Variants in ACO1 observed in about 807,000 individuals in gnomAD.
The protein encoded by ACO1 is cytoplasmic aconitate hydratase.
ACO1 carries 78 observed loss-of-function variants against 105.1 expected under a neutral mutation model. The observed-to-expected ratio is 0.74, with a 90% CI of 0.62 to 0.90. The LOEUF (loss-of-function observed/expected upper bound fraction) is 0.90, where lower values mean the gene tolerates loss of function less well. Ranked by LOEUF, ACO1 falls within the 40% of genes least tolerant of loss-of-function variation. The pLI is 0.00. For missense variants in ACO1, 965 were observed against 1,111.1 expected (o/e 0.87, Z 1.87); for synonymous variants, 364 against 397.4 (o/e 0.92, Z 1.00).
At chr9:32,388,732 G>A (rs1253472693) in intron 1 of ACO1, among the ~76,000 whole-genome samples, 1 of 152,198 alleles carries the variant, frequency 6.6e-6, no homozygotes, top group African/African-American at 2.4e-5. Flanking sequence ...AGTGGAATGA[G>A]GTAGAAGGAA....
chr9:32,449,205 A>G, intron 20 of ACO1, 124 bp downstream of exon 20: 1 of 861,624 alleles, frequency 1.2e-6, no homozygotes, highest in South Asian at 1.8e-5. Context: ...GGACTGCATT[A>G]GACTTAGGAG....
chr9:32,451,512 G>A lies in ACO1; in HGVS notation c.*1401G>A, dbSNP rs984748565. 3.9e-5 allele frequency: 6 copies of A among 152,192 alleles called. No individual in the cohort carries two copies. Among genetic ancestry groups the A allele is most frequent in the Non-Finnish European group, 7.3e-5 (5 of 68,068 alleles). 9.4% of individuals were successfully genotyped at this position (152,192 alleles called of 1,614,324 possible). On this transcript the variant is annotated 3_prime_UTR_variant, in exon 21 of 21. Transcript: ENST00000309951. Reference sequence around the variant, plus strand: ...CCTAAGAACCTGGGGAGGGGCATGGGGAATGCTGGTATAAGTCCCAGAGTC... The same window carrying A: ...CCTAAGAACCTGGGGAGGGGCATGGAGAATGCTGGTATAAGTCCCAGAGTC...
At chr9:32,385,819 A>G in intron 1 of ACO1, among the ~76,000 whole-genome samples, 1 of 152,074 alleles carries the variant, frequency 6.6e-6, no homozygotes, top group East Asian at 1.9e-4. Flanking sequence ...GGAGATCCCT[A>G]GGAGTTCTCT....
intron 9 of ACO1, among the ~76,000 whole-genome samples, 178 bp downstream of exon 9, chr9:32,423,597 GAAT>G (rs1822024699): frequency 6.6e-6 from 1 of 152,188 alleles, no homozygotes; most frequent in Non-Finnish European, 1.5e-5. Flanking sequence ...AAACATAACA[GAAT>G]AATATAACTT....
intron 19 of ACO1, chr9:32,445,555 AC>A: frequency 3.7e-6 from 1 of 270,574 alleles, no homozygotes; most frequent in Non-Finnish European, 7.6e-6. Context: ...TTTTCAAAAA[AC>A]CAGCTCCTGG....
chr9:32,432,317 TAGG>T (rs1392182726), intron 15 of ACO1, among the ~76,000 whole-genome samples: 2 of 152,170 alleles, frequency 1.3e-5, no homozygotes, highest in African/African-American at 4.8e-5. Flanking sequence ...ATTTTACAAA[TAGG>T]AGGAAATGTG....
chr9:32,400,228 C>T (rs1821465728), intron 1 of ACO1, among the ~76,000 whole-genome samples: 1 of 152,084 alleles, frequency 6.6e-6, no homozygotes, highest in Non-Finnish European at 1.5e-5. Flanking sequence ...ATCTCGACCT[C>T]CTAAAGTGCT....
At chr9:32,391,646 T>C (rs575907972) in intron 1 of ACO1, among the ~76,000 whole-genome samples, 2 of 152,346 alleles carry the variant, frequency 1.3e-5, no homozygotes, top group Non-Finnish European at 2.9e-5. Context: ...AAAACAGACA[T>C]GTATGGAACA....
At chr9:32,385,681 T>C (rs568888824) in intron 1 of ACO1, among the ~76,000 whole-genome samples, 1 of 152,262 alleles carries the variant, frequency 6.6e-6, no homozygotes, top group East Asian at 1.9e-4. Flanking sequence ...TTCTGATAGC[T>C]GCTTCTGCAG....
At chr9:32,449,222 T>TA in intron 20 of ACO1, 141 bp downstream of exon 20, 2 of 729,988 alleles carry the variant, frequency 2.7e-6, no homozygotes, top group South Asian at 3.9e-5. Context: ...GGAGGCCTAC[T>TA]AGCATCTTTT....
chr9:32,428,862 G>C (rs921094802), intron 12 of ACO1, among the ~76,000 whole-genome samples: 4 of 151,774 alleles, frequency 2.6e-5, no homozygotes, highest in African/African-American at 7.2e-5. Flanking sequence ...AAAAGTCAGC[G>C]TGAGTTTGTT....
intron 1 of ACO1, among the ~76,000 whole-genome samples, chr9:32,393,854 C>A (rs1398085463): frequency 6.6e-6 from 1 of 152,148 alleles, no homozygotes. Context: ...TCCTCATTGC[C>A]TTGTCTTATT....
rs141904989 is a variant in ACO1 at position 32,449,964 on chromosome 9, C to G, written c.2557-34C>G. The G allele has an allele frequency of 3.8e-6, 6 of 1,572,248 alleles. No individual in the cohort carries two copies. The African/African-American group carries it at 6.8e-5, about 18-fold the overall frequency. On this transcript the variant is annotated intron_variant, in intron 20 of 20. Transcript: ENST00000309951. ...TCCGAGCAGAGCTGTCTCGCCACCT[C>G]CCTCAATGATGCTTCTGTTTCTTTG...
intron 1 of ACO1, among the ~76,000 whole-genome samples, chr9:32,400,873 AT>A (rs1821480087): frequency 6.6e-6 from 1 of 150,880 alleles, no homozygotes. Context: ...TGTTAACTTT[AT>A]GTCTTTCTTT....
At chr9:32,422,151 T>C (rs959393991) in intron 8 of ACO1, among the ~76,000 whole-genome samples, 4 of 152,176 alleles carry the variant, frequency 2.6e-5, no homozygotes, top group African/African-American at 9.7e-5. Flanking sequence ...AGCTGTGAGA[T>C]GGATCTAGAG....
In ACO1 at chr9:32,453,208, TA is replaced by T. The variant is rs1822807387; in HGVS notation, c.*3098del. ...CCGCAGCAAGCTAAGAGTTAGTTAA[TA>T]TTTTTAATATAGCAAATAAGGATGA... is the stretch of plus-strand genomic sequence containing the variant. On this transcript the variant is annotated 3_prime_UTR_variant, in exon 21 of 21. Coordinates refer to ENST00000309951, the MANE Select transcript of ACO1 (RefSeq NM_002197.3). The T allele has an allele frequency of 6.6e-6, 1 of 152,196 alleles. No individual in the cohort carries two copies. The highest frequency in any genetic ancestry group is 2.4e-5 in the African/African-American group (1 of 41,442). 9.4% of individuals were successfully genotyped at this position (152,196 alleles called of 1,614,324 possible). A position where few individuals can be genotyped will look rare whatever the true frequency, so the allele number is the denominator to read the frequency against.
chr9:32,427,458 C>T (rs1822126223), intron 12 of ACO1, 22 bp downstream of exon 12: 8 of 1,613,962 alleles, frequency 5.0e-6, no homozygotes, highest in Non-Finnish European at 6.8e-6. Flanking sequence ...TTTTCTTTTG[C>T]ACCATTGCTT....
chr9:32,454,385 C>T lies in ACO1; in HGVS notation c.*4274C>T, dbSNP rs944129590. On this transcript the variant is annotated 3_prime_UTR_variant, in exon 21 of 21. Transcript: ENST00000309951. ...TTAAGGACAGGAATTGGTTTACTGA[C>T]CTTGATGTTGGGATGACTCTTCATT... The T allele has an allele frequency of 2.6e-5, 4 of 152,090 alleles. No homozygotes were observed. The highest frequency in any genetic ancestry group is 7.2e-5 in the African/African-American group (3 of 41,426). The allele number at this position is 152,090 out of a possible 1,614,324, so 9.4% of individuals were successfully genotyped here.
At chr9:32,406,676 G>C (rs1363973181) in intron 2 of ACO1, among the ~76,000 whole-genome samples, 1 of 152,188 alleles carries the variant, frequency 6.6e-6, no homozygotes, top group Non-Finnish European at 1.5e-5. Flanking sequence ...GGTGAGATGT[G>C]ATGACTTAAG....
Sources: allele counts gnomAD v4.1 joint callset (sites outside exome capture counted in the v4.1 genomes callset), GRCh38; gene constraint gnomAD v4.1.1; transcripts MANE v1.5; gene names NCBI Gene and HGNC (gene_info 2026-07-23, HGNC 2026-07-21).